NLGN1: variants seen among roughly 807,000 people sequenced by gnomAD.
NLGN1 encodes the protein neuroligin-1.
Under a neutral mutation model 65.5 loss-of-function variants are expected in NLGN1, and 12 were observed. The observed-to-expected ratio is 0.18, with a 90% CI of 0.12 to 0.30. NLGN1 has a LOEUF of 0.30. Among genes scored for constraint, NLGN1 ranks in the 10% least tolerant of loss-of-function variants. The pLI, the probability that NLGN1 is intolerant of heterozygous loss-of-function variation, is 1.00. For synonymous variants in NLGN1, 350 were observed against 359.5 expected, an observed-to-expected ratio of 0.97 and a Z score of 0.30; for missense variants, 750 against 1,007.1, an observed-to-expected ratio of 0.74 and a Z score of 3.46.
chr3:174,158,444 A>C (rs982039716), intron 4 of NLGN1, among the ~76,000 whole-genome samples: 18 of 151,802 alleles, frequency 1.2e-4, no homozygotes, highest in African/African-American at 3.6e-4. Context: ...CCATATAAAC[A>C]TTAGAGACAA....
intron 4 of NLGN1, among the ~76,000 whole-genome samples, chr3:174,115,004 C>T (rs1716075416): frequency 6.6e-6 from 1 of 152,100 alleles, no homozygotes; most frequent in Admixed American, 6.5e-5. Context: ...CTAGATTTTC[C>T]AAACTTTGAT....
chr3:174,077,168 A>G (rs1036797729), intron 4 of NLGN1, among the ~76,000 whole-genome samples: 3 of 152,156 alleles, frequency 2.0e-5, no homozygotes, highest in Non-Finnish European at 4.4e-5. Flanking sequence ...AATTACAGAT[A>G]AAAATATATT....
At chr3:173,835,348 A>C (rs1189019720) in intron 4 of NLGN1, among the ~76,000 whole-genome samples, 1 of 152,134 alleles carries the variant, frequency 6.6e-6, no homozygotes, top group African/African-American at 2.4e-5. Flanking sequence ...TTAATAAAAG[A>C]TCTTTTTATT....
chr3:173,640,032 T>C (rs1460533924), intron 3 of NLGN1, among the ~76,000 whole-genome samples: 1 of 152,186 alleles, frequency 6.6e-6, no homozygotes, highest in Non-Finnish European at 1.5e-5. Context: ...AATTCATTAT[T>C]GAAAAAAGCT....
At chr3:173,864,696 C>G (rs1267766138) in intron 4 of NLGN1, among the ~76,000 whole-genome samples, 3 of 152,164 alleles carry the variant, frequency 2.0e-5, no homozygotes, top group Non-Finnish European at 2.9e-5. Flanking sequence ...GCAACTGAAA[C>G]TTACACGCAG....
intron 4 of NLGN1, among the ~76,000 whole-genome samples, chr3:174,235,050 G>GT (rs5854558): frequency 8.6e-5 from 10 of 116,242 alleles, no homozygotes; most frequent in East Asian, 2.4e-4. Context: ...GTGACAGCCA[G>GT]TTTTTTTTAG....
chr3:174,130,740 C>A lies in NLGN1; in HGVS notation c.647-144575C>A, dbSNP rs1033453245. Among the ~76,000 whole-genome samples the A allele has an allele frequency of 5.3e-5, 8 of 152,018 alleles. No homozygotes were observed. The East Asian group carries it at 7.8e-4, about 15-fold the overall frequency. On this transcript the variant is annotated intron_variant, in intron 4 of 6. Coordinates refer to ENST00000457714, the Ensembl canonical transcript of NLGN1. Reference sequence around the variant, plus strand: ...AATTGTTCATTGGGAGAGTTACACTCATTAATGACGGAAGAATGAGTAGAG... The same window carrying A: ...AATTGTTCATTGGGAGAGTTACACTAATTAATGACGGAAGAATGAGTAGAG...
intron 2 of NLGN1, among the ~76,000 whole-genome samples, chr3:173,524,590 C>A (rs1735323959): frequency 6.6e-6 from 1 of 152,168 alleles, no homozygotes; most frequent in Admixed American, 6.5e-5. Flanking sequence ...GCTAGCACTC[C>A]TTGTACTGTG....
intron 4 of NLGN1, among the ~76,000 whole-genome samples, chr3:173,955,384 T>C (rs1275764530): frequency 1.3e-5 from 2 of 151,882 alleles, no homozygotes; most frequent in Admixed American, 6.6e-5. Context: ...TTAAGATGCA[T>C]GTAATGTTGT....
chr3:173,874,397 G>A (rs1560536374), intron 4 of NLGN1, among the ~76,000 whole-genome samples: 1 of 152,144 alleles, frequency 6.6e-6, no homozygotes, highest in African/African-American at 2.4e-5. Context: ...CCAACCTTAT[G>A]TAAATACAGT....
intron 2 of NLGN1, among the ~76,000 whole-genome samples, chr3:173,523,749 A>T (rs2149147274): frequency 6.6e-6 from 1 of 151,350 alleles, no homozygotes; most frequent in African/African-American, 2.4e-5. Flanking sequence ...CTCTTTTTTG[A>T]TTACATATGA....
At chr3:173,844,918 T>C (rs1187989559) in intron 4 of NLGN1, among the ~76,000 whole-genome samples, 2 of 152,192 alleles carry the variant, frequency 1.3e-5, no homozygotes, top group East Asian at 3.9e-4. Flanking sequence ...AGAAAGAAAA[T>C]TCTGACATGT....
intron 4 of NLGN1, among the ~76,000 whole-genome samples, chr3:174,235,202 T>C (rs903841937): frequency 1.3e-5 from 2 of 152,056 alleles, no homozygotes; most frequent in Non-Finnish European, 2.9e-5. Flanking sequence ...AAATCTACTC[T>C]TGATAATGTT....
At chr3:174,213,551 A>G (rs1296923637) in intron 4 of NLGN1, among the ~76,000 whole-genome samples, 1 of 152,226 alleles carries the variant, frequency 6.6e-6, no homozygotes, top group African/African-American at 2.4e-5. Context: ...ATAATAAAAC[A>G]ATAACCTTTG....
intron 4 of NLGN1, among the ~76,000 whole-genome samples, chr3:174,249,851 A>G (rs1307927931): frequency 1.3e-5 from 2 of 152,150 alleles, no homozygotes; most frequent in African/African-American, 2.4e-5. Flanking sequence ...TATAAGAAGG[A>G]GGCTGCTGTG....
chr3:173,609,511 C>A (rs549619238), intron 3 of NLGN1, among the ~76,000 whole-genome samples: 2 of 151,826 alleles, frequency 1.3e-5, no homozygotes, highest in Non-Finnish European at 2.9e-5. Context: ...CTGATTTTTT[C>A]CTAATTTAAT....
At chr3:174,210,077 C>A (rs1386366743) in intron 4 of NLGN1, among the ~76,000 whole-genome samples, 1 of 152,092 alleles carries the variant, frequency 6.6e-6, no homozygotes, top group Non-Finnish European at 1.5e-5. Context: ...AAAGTTCTTA[C>A]CCCAAATCAT....
chr3:174,201,358 G>A (rs557631987), intron 4 of NLGN1, among the ~76,000 whole-genome samples: 3,282 of 128,312 alleles, frequency 0.026, 84 homozygotes, highest in Non-Finnish European at 0.04. Flanking sequence ...AAGGAAGGAA[G>A]GAAGGAAGGA....
In NLGN1 at chr3:173,952,557, C is replaced by T. The variant is rs146877267; in HGVS notation, c.646+144725C>T. 3.9e-5 allele frequency among the ~76,000 whole-genome samples: 6 copies of T among 152,154 alleles called. No individual in the cohort carries two copies. The East Asian group carries it at 5.8e-4, about 15-fold the overall frequency. On this transcript the variant is annotated intron_variant, in intron 4 of 6. Transcript: ENST00000457714. ...CTTAAAGAAGTCTGATTAATAGAGT[C>T]GTCTGTACTTTGGTTATTTCATCTA...
Sources: allele counts gnomAD v4.1 joint callset (sites outside exome capture counted in the v4.1 genomes callset), GRCh38; gene constraint gnomAD v4.1.1; transcripts MANE v1.5; gene names NCBI Gene and HGNC (gene_info 2026-07-23, HGNC 2026-07-21).